LYZ: variants seen among roughly 807,000 people sequenced by gnomAD.
The protein encoded by LYZ is lysozyme.
LYZ carries 18 observed loss-of-function variants against 15.8 expected under a neutral mutation model. The observed-to-expected ratio is 1.14, with a 90% CI of 0.79 to 1.69. The LOEUF (loss-of-function observed/expected upper bound fraction) is 1.69. LYZ is among the 40% of genes most tolerant of loss of function. The probability of loss-of-function intolerance (pLI) is 0.00; values close to 1 mark genes in which losing one functional copy is unlikely to be tolerated. For synonymous variants in LYZ, 60 were observed against 61.7 expected, an observed-to-expected ratio of 0.97 and a Z score of 0.13; for missense variants, 139 against 182.8, an observed-to-expected ratio of 0.76 and a Z score of 1.38.
intron 2 of LYZ, among the ~76,000 whole-genome samples, chr12:69,351,390 TATA>T (rs1383199065): frequency 1.3e-5 from 2 of 151,470 alleles, no homozygotes; most frequent in African/African-American, 4.8e-5. Context: ...ATTTATATTA[TATA>T]ATAATATTTG....
intron 2 of LYZ, 108 bp from the exon 3 acceptor site, chr12:69,352,112 A>G: frequency 8.2e-6 from 6 of 727,634 alleles, no homozygotes; most frequent in South Asian, 6.2e-5. Flanking sequence ...CTCATAGAAA[A>G]TAATATCTTA....
intron 2 of LYZ, 149 bp from the exon 3 acceptor site, chr12:69,352,071 G>A: frequency 1.7e-6 from 1 of 594,212 alleles, no homozygotes. Flanking sequence ...AGAATGAAGA[G>A]AGTTTTCCCC....
intron 3 of LYZ, among the ~76,000 whole-genome samples, chr12:69,352,558 T>C (rs1874865483): frequency 1.3e-5 from 2 of 152,232 alleles, no homozygotes; most frequent in Admixed American, 6.5e-5. Context: ...TTCCTTGTCA[T>C]ATCTTGAAAT....
intron 3 of LYZ, among the ~76,000 whole-genome samples, chr12:69,352,510 G>T (rs1874864699): frequency 6.6e-6 from 1 of 152,144 alleles, no homozygotes; most frequent in South Asian, 2.1e-4. Context: ...TTATTTTAGG[G>T]GATTTCTAGA....
At chr12:69,350,447 T>G in intron 2 of LYZ, 175 bp downstream of exon 2, 2 of 647,208 alleles carry the variant, frequency 3.1e-6, no homozygotes, top group Non-Finnish European at 2.6e-6. Flanking sequence ...AGAAGTGGTA[T>G]CATAAAAGGT....
At position 69,350,234 on chromosome 12, in the gene LYZ, C is replaced by A. The variant is rs1800973; in HGVS notation, c.263C>A (p.Thr88Asn). The change falls in exon 2 of 4, where the codon ACC becomes AAC. Residue 88 changes from threonine to asparagine, a missense_variant. Coordinates refer to ENST00000261267, the MANE Select transcript of LYZ (RefSeq NM_000239.3). ...CGCTACTGGTGTAATGATGGCAAAACCCCAGGAGCAGTTAATGCCTGTCAT... is the reference window on the plus strand; with the variant it reads ...CGCTACTGGTGTAATGATGGCAAAAACCCAGGAGCAGTTAATGCCTGTCAT... ...NSRYWCNDGK[T>N]PGAVNACHLS... is the part of the protein sequence containing the mutation. 85,835 of 1,613,898 alleles carry A rather than the reference C, an allele frequency of 0.053. 2,628 individuals are homozygous for A. Among genetic ancestry groups the A allele is most frequent in the Non-Finnish European group, 0.063 (74,708 of 1,179,860 alleles).
chr12:69,349,814 T>C (rs1229727725), intron 1 of LYZ, among the ~76,000 whole-genome samples: 3 of 152,238 alleles, frequency 2.0e-5, no homozygotes, highest in Non-Finnish European at 4.4e-5. Context: ...CTTGGCTGAA[T>C]GTTGCCTGAG....
intron 1 of LYZ, 26 bp from the exon 2 acceptor site, chr12:69,350,082 T>G: frequency 6.2e-7 from 1 of 1,611,060 alleles, no homozygotes; most frequent in Non-Finnish European, 8.5e-7. Context: ...TGTTGCTGTT[T>G]ATTACTAAAA....
At chr12:69,351,373 TA>T (rs34540118) in intron 2 of LYZ, among the ~76,000 whole-genome samples, 1 of 151,328 alleles carries the variant, frequency 6.6e-6, no homozygotes, top group African/African-American at 2.4e-5. Flanking sequence ...TCCAGTTAAT[TA>T]AAAAAATTTA....
chr12:69,348,432 G>T lies in LYZ; in HGVS notation c.24G>T (p.Gly8=). 1 of 1,614,182 alleles carries T rather than the reference G, an allele frequency of 6.2e-7. No individual in the cohort carries two copies. Among genetic ancestry groups the T allele is most frequent in the Non-Finnish European group, 8.5e-7 (1 of 1,180,020 alleles). Residue 8 remains glycine (G), a synonymous_variant, in exon 1 of 4, where the codon GGG becomes GGT. Transcript: ENST00000261267. The part of the protein sequence containing the change: MKALIVL[G]LVLLSVTVQG... ...ACATGAAGGCTCTCATTGTTCTGGG[G>T]CTTGTCCTCCTTTCTGTTACGGTCC... is the stretch of plus-strand genomic sequence containing the variant.
chr12:69,353,336 G>C lies in LYZ; in HGVS notation c.*117G>C, dbSNP rs1874886255. The C allele has an allele frequency of 1.2e-6, 1 of 858,810 alleles. No individual in the cohort carries two copies. Among genetic ancestry groups the C allele is most frequent in the Admixed American group, 1.8e-5 (1 of 56,558 alleles). 53.2% of individuals were successfully genotyped at this position (858,810 alleles called of 1,614,324 possible). A position where few individuals can be genotyped will look rare whatever the true frequency, so the allele number is the denominator to read the frequency against. On this transcript the variant is annotated 3_prime_UTR_variant, in exon 4 of 4. Transcript: ENST00000261267. ...TCAAACAAATAATATTTTTACAGAA[G>C]CAGGAGCAAAATATGGCCTTTCTTC...
rs60163961 is a variant in LYZ at position 69,350,737 on chromosome 12, C to CTTTTTT, written c.301+492_301+497dup. 1.8e-3 allele frequency among the ~76,000 whole-genome samples: 46 copies of CTTTTTT among 26,016 alleles called. 1 individual carries two copies. Among genetic ancestry groups the CTTTTTT allele is most frequent in the African/African-American group, 2.9e-3 (29 of 9,894 alleles). The allele number at this position is 26,016 out of a possible 152,430, so 17.1% of individuals were successfully genotyped here. ...TTTGCCATAGTTGCTTCTTCTATGC[C>CTTTTTT]TTTTTTTTTTTTTTTTTTTTTTTTT... On this transcript the variant is annotated intron_variant, in intron 2 of 3. Coordinates refer to ENST00000261267, the MANE Select transcript of LYZ (RefSeq NM_000239.3).
At chr12:69,352,181 A>G (rs755306264) in intron 2 of LYZ, 39 bp from the exon 3 acceptor site, 4 of 1,402,094 alleles carry the variant, frequency 2.9e-6, no homozygotes, top group Non-Finnish European at 4.0e-6. Context: ...AAAATAAAAT[A>G]TCTATTAAAG....
At position 69,353,020 on chromosome 12, in the gene LYZ, T is replaced by C. The variant is rs190229481; in HGVS notation, c.381-133T>C. 1.4e-3 allele frequency: 988 copies of C among 725,446 alleles called. 13 individuals are homozygous for C. The Admixed American group carries it at 0.016, about 12-fold the overall frequency. 44.9% of individuals were successfully genotyped at this position (725,446 alleles called of 1,614,324 possible). A position where few individuals can be genotyped will look rare whatever the true frequency, so the allele number is the denominator to read the frequency against. On this transcript the variant is annotated intron_variant, in intron 3 of 3. Coordinates refer to ENST00000261267, the MANE Select transcript of LYZ (RefSeq NM_000239.3). ...TGTATACATATCTTCATTTAATAAA[T>C]AGCAATAGCTGGGTCTATCTTACTA... is the stretch of plus-strand genomic sequence containing the variant.
intron 2 of LYZ, among the ~76,000 whole-genome samples, chr12:69,351,522 CAT>C (rs1565669937): frequency 1.3e-5 from 2 of 152,034 alleles, no homozygotes; most frequent in African/African-American, 2.4e-5. Context: ...GTATATCAAT[CAT>C]GTGTATGAAT....
chr12:69,351,946 T>C (rs1175694132), intron 2 of LYZ, among the ~76,000 whole-genome samples: 2 of 152,178 alleles, frequency 1.3e-5, no homozygotes, highest in African/African-American at 4.8e-5. Flanking sequence ...CACTAGGTGT[T>C]TTTTTACAGT....
chr12:69,352,244 A>T lies in LYZ; in HGVS notation c.326A>T (p.Asp109Val), dbSNP rs550843763. The T allele has an allele frequency of 1.2e-6, 2 of 1,613,948 alleles. No individual in the cohort carries two copies. Among genetic ancestry groups the T allele is most frequent in the African/African-American group, 2.7e-5 (2 of 75,048 alleles). Residue 109 changes from aspartate to valine, a missense_variant, in exon 3 of 4, where the codon GAT (aspartate) becomes GTT (valine). Coordinates refer to ENST00000261267, the MANE Select transcript of LYZ (RefSeq NM_000239.3). ...CSALLQDNIA[D>V]AVACAKRVVR... ...GCTTTGCTGCAAGATAACATCGCTGATGCTGTAGCTTGTGCAAAGAGGGTT... is the reference window on the plus strand; with the variant it reads ...GCTTTGCTGCAAGATAACATCGCTGTTGCTGTAGCTTGTGCAAAGAGGGTT...
At position 69,350,413 on chromosome 12, in the gene LYZ, A is replaced by G. The variant is rs907115408; in HGVS notation, c.301+141A>G. The G allele has an allele frequency of 8.7e-6, 7 of 802,982 alleles. No individual in the cohort carries two copies. The African/African-American group carries it at 1.2e-4, about 14-fold the overall frequency. The allele number at this position is 802,982 out of a possible 1,614,324, so 49.7% of individuals were successfully genotyped here. A position where few individuals can be genotyped will look rare whatever the true frequency, so the allele number is the denominator to read the frequency against. Reference sequence around the variant, plus strand: ...CCAGAAAGTCATTATTATTTTCCTCATAATTCCCTGAGTAAGAAATTAAAG... The same window carrying G: ...CCAGAAAGTCATTATTATTTTCCTCGTAATTCCCTGAGTAAGAAATTAAAG... On this transcript the variant is annotated intron_variant, in intron 2 of 3. Transcript: ENST00000261267.
At position 69,352,306 on chromosome 12, in the gene LYZ, T is replaced by A. The variant is rs753155051; in HGVS notation, c.380+8T>A. On this transcript the variant is annotated splice_region_variant and intron_variant, in intron 3 of 3. Coordinates refer to ENST00000261267, the MANE Select transcript of LYZ (RefSeq NM_000239.3). Reference sequence around the variant, plus strand: ...ACAAGGCATTAGAGCATGGTATGTTTTAAGTGTTAAAAGGGAAAACTATCT... The same window carrying A: ...ACAAGGCATTAGAGCATGGTATGTTATAAGTGTTAAAAGGGAAAACTATCT... 1 of 1,608,458 alleles carries A rather than the reference T, an allele frequency of 6.2e-7. No individual in the cohort carries two copies. The highest frequency in any genetic ancestry group is 1.1e-5 in the South Asian group (1 of 90,944).
Sources: gnomAD v4.1 joint callset for allele counts (sites outside exome capture counted in the v4.1 genomes callset) on GRCh38, gnomAD v4.1.1 for gene constraint, MANE v1.5 for transcripts, NCBI Gene and HGNC (gene_info 2026-07-23, HGNC 2026-07-21) for gene names.